The following LIMK1 variants were observed in gnomAD, a reference collection of about 807,000 sequenced individuals.
The protein encoded by LIMK1 is LIM motif-containing protein kinase.
LIMK1 carries 21 observed loss-of-function variants against 77.6 expected under a neutral mutation model. The ratio of observed to expected loss-of-function variants is 0.27; its 90% CI spans 0.19 to 0.39. The LOEUF is 0.39. Ranked by LOEUF, LIMK1 falls within the 10% of genes least tolerant of loss-of-function variation. The pLI, the probability that LIMK1 is intolerant of heterozygous loss-of-function variation, is 1.00. For missense variants in LIMK1, 696 were observed against 901.6 expected, an observed-to-expected ratio of 0.77 and a Z score of 2.92; for synonymous variants, 358 against 370.0, an observed-to-expected ratio of 0.97 and a Z score of 0.37.
At position 74,121,041 on chromosome 7, in the gene LIMK1, C is replaced by G; in HGVS notation, c.1773C>G (p.Pro591=). 6.3e-7 allele frequency: 1 copy of G among 1,596,496 alleles called. No individual in the cohort carries two copies. Among genetic ancestry groups the G allele is most frequent in the Non-Finnish European group, 8.5e-7 (1 of 1,170,298 alleles). Residue 591 remains proline (P), a synonymous_variant, in exon 15 of 16, where the codon CCC becomes CCG. Transcript: ENST00000336180. ...PITVRCCDLD[P]EKRPSFVKLE... is the part of the protein sequence containing the mutation. ...CCGTGCGCTGTTGCGATCTGGACCCCGAGAAGAGGTGAGTGGGGTGGGGCC... is the reference window on the plus strand; with the variant it reads ...CCGTGCGCTGTTGCGATCTGGACCCGGAGAAGAGGTGAGTGGGGTGGGGCC...
chr7:74,092,894 C>A (rs974506919), intron 2 of LIMK1, among the ~76,000 whole-genome samples: 6 of 152,304 alleles, frequency 3.9e-5, no homozygotes, highest in Middle Eastern at 3.4e-3. Flanking sequence ...CCCAGAGAAG[C>A]CTGAGGCCTT....
At chr7:74,084,890 C>A (rs1476297211) in intron 1 of LIMK1, among the ~76,000 whole-genome samples, 1 of 152,180 alleles carries the variant, frequency 6.6e-6, no homozygotes, top group Non-Finnish European at 1.5e-5. Context: ...CCAACTCTTC[C>A]CAGGCCCATG....
At chr7:74,108,702 A>G (rs925723749) in intron 9 of LIMK1, among the ~76,000 whole-genome samples, 1 of 151,354 alleles carries the variant, frequency 6.6e-6, no homozygotes, top group East Asian at 1.9e-4. Context: ...GGGACTGGGA[A>G]AAAGAGCATC....
chr7:74,101,151 A>G (rs1799452107), intron 5 of LIMK1, among the ~76,000 whole-genome samples: 1 of 152,208 alleles, frequency 6.6e-6, no homozygotes, highest in African/African-American at 2.4e-5. Context: ...ACAGAAAATT[A>G]TACTGGGCTT....
chr7:74,086,431 C>G (rs1234382425), intron 2 of LIMK1, among the ~76,000 whole-genome samples: 1 of 152,138 alleles, frequency 6.6e-6, no homozygotes, highest in Admixed American at 6.6e-5. Flanking sequence ...GCCATCTCGG[C>G]TCATTGCAAC....
At chr7:74,106,978 C>A in intron 7 of LIMK1, 32 bp from the exon 8 acceptor site, 2 of 1,525,358 alleles carry the variant, frequency 1.3e-6, no homozygotes, top group East Asian at 2.4e-5. Flanking sequence ...ACCTGTCCCC[C>A]GGTGGCACTT....
chr7:74,112,020 G>C, intron 12 of LIMK1, 22 bp downstream of exon 12: 2 of 1,580,006 alleles, frequency 1.3e-6, no homozygotes, highest in Non-Finnish European at 1.7e-6. Context: ...GGCCCCACGT[G>C]GCTGGGTGTC....
At chr7:74,101,619 C>A (rs1269321548) in intron 5 of LIMK1, among the ~76,000 whole-genome samples, 1 of 152,186 alleles carries the variant, frequency 6.6e-6, no homozygotes, top group Non-Finnish European at 1.5e-5. Flanking sequence ...GAGCCACACC[C>A]TTCCCAGAAA....
In LIMK1 at chr7:74,120,996, C is replaced by T. The variant is rs782647037; in HGVS notation, c.1728C>T (p.Pro576=). ...FLDRYCPPNC[P]PSFFPITVRC... ...ACCGCTACTGCCCCCCAAACTGCCC[C>T]CCGAGCTTCTTCCCCATCACCGTGC... Residue 576 remains proline (P), a synonymous_variant, in exon 15 of 16, where the codon CCC becomes CCT. Coordinates refer to ENST00000336180, the MANE Select transcript of LIMK1 (RefSeq NM_002314.4). 1.2e-6 allele frequency: 2 copies of T among 1,611,288 alleles called. No homozygotes were observed. Among genetic ancestry groups the T allele is most frequent in the East Asian group, 2.2e-5 (1 of 44,756 alleles).
intron 10 of LIMK1, chr7:74,109,447 G>T (rs1466191466): frequency 4.1e-6 from 1 of 241,634 alleles, no homozygotes; most frequent in Admixed American, 4.9e-5. Context: ...CAGGCCAGGT[G>T]CAGTGGCTCA....
chr7:74,105,142 C>T (rs906375445), intron 5 of LIMK1, among the ~76,000 whole-genome samples: 17 of 152,050 alleles, frequency 1.1e-4, no homozygotes, highest in Non-Finnish European at 1.6e-4. Flanking sequence ...TCAGTAGAGA[C>T]GGCGTTTCAC....
chr7:74,089,540 C>T (rs1215990582), intron 2 of LIMK1, among the ~76,000 whole-genome samples: 4 of 152,040 alleles, frequency 2.6e-5, no homozygotes, highest in Admixed American at 6.6e-5. Context: ...AAGACAGGGG[C>T]TTCGGGGAGG....
At chr7:74,104,948 T>A (rs1457443877) in intron 5 of LIMK1, among the ~76,000 whole-genome samples, 1 of 152,174 alleles carries the variant, frequency 6.6e-6, no homozygotes, top group Non-Finnish European at 1.5e-5. Flanking sequence ...ATGACTCATG[T>A]CTGTAATCCT....
chr7:74,098,455 C>T (rs1554696018), intron 4 of LIMK1, among the ~76,000 whole-genome samples: 1 of 152,172 alleles, frequency 6.6e-6, no homozygotes, highest in African/African-American at 2.4e-5. Flanking sequence ...GGCCGCCTTA[C>T]AGGATCACAG....
intron 2 of LIMK1, 34 bp from the exon 3 acceptor site, chr7:74,096,588 G>C (rs1211124613): frequency 6.2e-7 from 1 of 1,613,354 alleles, no homozygotes; most frequent in Non-Finnish European, 8.5e-7. Flanking sequence ...AGGAGGGCGG[G>C]AGTGGACGTC....
rs782771143 is a variant in LIMK1 at position 74,108,937 on chromosome 7, C to T, written c.1185C>T (p.Asn395=). 2.5e-5 allele frequency: 40 copies of T among 1,613,900 alleles called. No individual in the cohort carries two copies. The Middle Eastern group carries it at 9.9e-4, about 40-fold the overall frequency. The change falls in exon 10 of 16, where the codon AAC becomes AAT. Residue 395 remains asparagine, a synonymous_variant. Coordinates refer to ENST00000336180, the MANE Select transcript of LIMK1 (RefSeq NM_002314.4). Reference sequence around the variant, plus strand: ...TCATGCGATGCCTGGAACACCCCAACGTGCTCAAGTTCATCGGGGTGCTCT... The same window carrying T: ...TCATGCGATGCCTGGAACACCCCAATGTGCTCAAGTTCATCGGGGTGCTCT... The part of the protein sequence containing the change: ...VKVMRCLEHP[N]VLKFIGVLYK...
rs145591860 is a variant in LIMK1 at position 74,113,795 on chromosome 7, A to G, written c.1410+1797A>G. 7.9e-4 allele frequency among the ~76,000 whole-genome samples: 120 copies of G among 152,012 alleles called. 1 individual carries two copies. The highest frequency in any genetic ancestry group is 1.4e-3 in the Non-Finnish European group (97 of 67,980). ...CACCTCTTACAGGCCCTGCCTCTTAATACCGTTAGAGTCAGGCCAGGCATG... is the reference window on the plus strand; with the variant it reads ...CACCTCTTACAGGCCCTGCCTCTTAGTACCGTTAGAGTCAGGCCAGGCATG... On this transcript the variant is annotated intron_variant, in intron 12 of 15. Coordinates refer to ENST00000336180, the MANE Select transcript of LIMK1 (RefSeq NM_002314.4).
At position 74,098,506 on chromosome 7, in the gene LIMK1, G is replaced by A. The variant is rs539566762; in HGVS notation, c.402-526G>A. On this transcript the variant is annotated intron_variant, in intron 4 of 15. Coordinates refer to ENST00000336180, the MANE Select transcript of LIMK1 (RefSeq NM_002314.4). The stretch of plus-strand genomic sequence containing the variant: ...GAATGACTCAGAGGGACGAGGGCTG[G>A]CTGGGCACGCACAGTTCCTGCTCCC... Among the ~76,000 whole-genome samples, 10 of 152,280 alleles carry A rather than the reference G, an allele frequency of 6.6e-5. 1 individual carries two copies. The highest frequency in any genetic ancestry group is 2.2e-4 in the African/African-American group (9 of 41,556).
At position 74,107,895 on chromosome 7, in the gene LIMK1, GTGA is replaced by G; in HGVS notation, c.1093_1095del (p.Met365del). 1 of 1,577,016 alleles carries G rather than the reference GTGA, an allele frequency of 6.3e-7. No individual in the cohort carries two copies. Among genetic ancestry groups the G allele is most frequent in the Non-Finnish European group, 8.6e-7 (1 of 1,161,014 alleles). ...GGTGACACACCGTGAGACAGGTGAG[GTGA>G]TGGTGATGAAGGAGCTGATCCGGTT... On this transcript the variant is annotated inframe_deletion, in exon 9 of 16. Transcript: ENST00000336180.
Sources: allele counts gnomAD v4.1 joint callset (sites outside exome capture counted in the v4.1 genomes callset), GRCh38; gene constraint gnomAD v4.1.1; transcripts MANE v1.5; gene names NCBI Gene and HGNC (gene_info 2026-07-23, HGNC 2026-07-21).